NRXN3: variants seen among roughly 807,000 people sequenced by gnomAD.
NRXN3 encodes neurexin III.
In NRXN3, 32 loss-of-function variants were observed where a neutral mutation model predicts 137.6. The observed-to-expected ratio is 0.23, with a 90% CI of 0.18 to 0.31. The LOEUF (loss-of-function observed/expected upper bound fraction) is 0.31. Ranked by LOEUF, NRXN3 falls within the 10% of genes least tolerant of loss-of-function variation. The probability of loss-of-function intolerance (pLI) is 1.00; values close to 1 mark genes in which losing one functional copy is unlikely to be tolerated. For synonymous variants in NRXN3, 798 were observed against 784.5 expected (o/e 1.02, Z -0.29); for missense variants, 1,574 against 2,062.5 (o/e 0.76, Z 4.59).
intron 10 of NRXN3, among the ~76,000 whole-genome samples, chr14:78,899,718 T>A (rs2099189374): frequency 6.6e-6 from 1 of 152,040 alleles, no homozygotes; most frequent in Admixed American, 6.6e-5. Flanking sequence ...ATAAATGTAT[T>A]CTGCTCAGTA....
intron 16 of NRXN3, among the ~76,000 whole-genome samples, chr14:79,653,965 G>A (rs1422566023): frequency 6.6e-6 from 1 of 152,130 alleles, no homozygotes; most frequent in Admixed American, 6.6e-5. Flanking sequence ...CCCCACTCTG[G>A]GTTTTATACC....
At chr14:79,054,380 A>G (rs2099651072) in intron 15 of NRXN3, among the ~76,000 whole-genome samples, 1 of 152,170 alleles carries the variant, frequency 6.6e-6, no homozygotes, top group Non-Finnish European at 1.5e-5. Flanking sequence ...CCCTTGGATG[A>G]ATGGCAAGAT....
At chr14:79,839,293 G>T (rs1434241030) in intron 20 of NRXN3, among the ~76,000 whole-genome samples, 2 of 151,946 alleles carry the variant, frequency 1.3e-5, no homozygotes, top group Non-Finnish European at 2.9e-5. Context: ...TAAAACAATG[G>T]CCTCCCCTAA....
chr14:78,209,338 G>C (rs2062516271), intron 1 of NRXN3, among the ~76,000 whole-genome samples: 1 of 152,178 alleles, frequency 6.6e-6, no homozygotes, highest in Non-Finnish European at 1.5e-5. Flanking sequence ...GGCTGAAGGA[G>C]AACACAGAGG....
chr14:78,432,359 G>A (rs1235060360), intron 4 of NRXN3, among the ~76,000 whole-genome samples: 1 of 149,234 alleles, frequency 6.7e-6, no homozygotes, highest in Non-Finnish European at 1.5e-5. Flanking sequence ...CTGCAGTACT[G>A]TCTCCTTTTA....
intron 4 of NRXN3, among the ~76,000 whole-genome samples, chr14:78,509,015 T>G (rs1463542998): frequency 6.6e-6 from 1 of 152,106 alleles, no homozygotes; most frequent in African/African-American, 2.4e-5. Context: ...TATGTTAAAT[T>G]TGGGCCAGGC....
At chr14:79,435,593 T>TACACACACAC (rs35554281) in intron 15 of NRXN3, among the ~76,000 whole-genome samples, 2,627 of 143,844 alleles carry the variant, frequency 0.018, 56 homozygotes, top group Admixed American at 0.061. Flanking sequence ...AACACTAAGA[T>TACACACACAC]ACACACACAC....
At chr14:79,807,786 C>T (rs958207358) in intron 20 of NRXN3, among the ~76,000 whole-genome samples, 5 of 152,280 alleles carry the variant, frequency 3.3e-5, no homozygotes, top group African/African-American at 1.2e-4. Context: ...TTCAACTCAT[C>T]ACATTTGAAG....
At chr14:78,316,069 G>T (rs1327409710) in intron 4 of NRXN3, among the ~76,000 whole-genome samples, 1 of 152,132 alleles carries the variant, frequency 6.6e-6, no homozygotes, top group Non-Finnish European at 1.5e-5. Context: ...GGATAATTCT[G>T]GGCTTGTGAT....
chr14:79,201,782 A>C (rs1339414264), intron 15 of NRXN3: 1 of 152,238 alleles, frequency 6.6e-6, no homozygotes, highest in African/African-American at 2.4e-5. Flanking sequence ...TCTCTTGACA[A>C]CATAAGAGTG....
intron 1 of NRXN3, among the ~76,000 whole-genome samples, chr14:78,218,821 G>T (rs2063546564): frequency 6.6e-6 from 1 of 152,160 alleles, no homozygotes; most frequent in Admixed American, 6.5e-5. Context: ...CTCTGTATTG[G>T]TTTGAGGGCT....
intron 3 of NRXN3, among the ~76,000 whole-genome samples, chr14:78,290,638 CA>C (rs1164638412): frequency 1.0e-4 from 15 of 150,638 alleles, no homozygotes; most frequent in East Asian, 3.9e-4. Flanking sequence ...GACCTTGTCT[CA>C]AAAAAAAAGG....
At chr14:79,758,814 A>G (rs1269781420) in intron 19 of NRXN3, among the ~76,000 whole-genome samples, 2 of 152,180 alleles carry the variant, frequency 1.3e-5, no homozygotes, top group African/African-American at 4.8e-5. Flanking sequence ...CCAACCACAC[A>G]AGCATTATTC....
intron 20 of NRXN3, among the ~76,000 whole-genome samples, chr14:79,837,064 C>T (rs4486813): frequency 0.6 from 91,426 of 151,882 alleles, 27,957 homozygotes; most frequent in African/African-American, 0.72. Context: ...AAATTATCAC[C>T]GCTTTCTAAG....
intron 16 of NRXN3, among the ~76,000 whole-genome samples, chr14:79,616,322 T>A (rs1000622854): frequency 1.3e-5 from 2 of 151,970 alleles, no homozygotes; most frequent in African/African-American, 2.4e-5. Flanking sequence ...CTTTAAGGGG[T>A]ACATTTGGCA....
chr14:78,217,185 T>G (rs930751823), intron 1 of NRXN3, among the ~76,000 whole-genome samples: 1 of 152,252 alleles, frequency 6.6e-6, no homozygotes, highest in African/African-American at 2.4e-5. Context: ...TGGTAGTTTT[T>G]ATTTTATAAA....
intron 19 of NRXN3, among the ~76,000 whole-genome samples, chr14:79,795,261 A>G (rs2099157705): frequency 6.6e-6 from 1 of 152,206 alleles, no homozygotes; most frequent in East Asian, 1.9e-4. Flanking sequence ...AGATGGGTTT[A>G]TCTATTTACT....
chr14:78,402,165 A>C (rs545067144), intron 4 of NRXN3, among the ~76,000 whole-genome samples: 1 of 152,330 alleles, frequency 6.6e-6, no homozygotes, highest in South Asian at 2.1e-4. Context: ...GGAAAATGGT[A>C]CTTTCTATCT....
At chr14:79,187,445 A>G (rs2063671631) in intron 15 of NRXN3, among the ~76,000 whole-genome samples, 1 of 152,182 alleles carries the variant, frequency 6.6e-6, no homozygotes, top group Non-Finnish European at 1.5e-5. Context: ...AGGCATCTGG[A>G]GCTAAAACAG....
Sources: allele counts gnomAD v4.1 joint callset (sites outside exome capture counted in the v4.1 genomes callset), GRCh38; gene constraint gnomAD v4.1.1; transcripts MANE v1.5; gene names NCBI Gene and HGNC (gene_info 2026-07-23, HGNC 2026-07-21).